TJP2: variants seen among roughly 807,000 people sequenced by gnomAD.
TJP2 encodes Friedreich ataxia region gene X104 (tight junction protein ZO-2).
In TJP2, 91 loss-of-function variants were observed where a neutral mutation model predicts 133.1. That is an observed-to-expected ratio of 0.68 (90% confidence interval 0.58 to 0.81). The LOEUF (loss-of-function observed/expected upper bound fraction) is 0.81. TJP2 is among the 40% of genes least tolerant of loss of function. The pLI is 0.00. For missense variants in TJP2, 1,541 were observed against 1,565.6 expected, an observed-to-expected ratio of 0.98 and a Z score of 0.26; for synonymous variants, 592 against 583.4, an observed-to-expected ratio of 1.01 and a Z score of -0.21.
chr9:69,238,855 T>C, intron 16 of TJP2, 66 bp downstream of exon 16: 1 of 1,298,040 alleles, frequency 7.7e-7, no homozygotes, highest in East Asian at 2.4e-5. Context: ...TGCAGTCACT[T>C]TTAGGATAGT....
intron 2 of TJP2, among the ~76,000 whole-genome samples, chr9:69,153,113 G>A (rs1248380081): frequency 6.6e-6 from 1 of 151,744 alleles, no homozygotes; most frequent in Non-Finnish European, 1.5e-5. Context: ...TGCTCCTGTA[G>A]TCCTAGCTAC....
intron 4 of TJP2, among the ~76,000 whole-genome samples, chr9:69,220,592 T>C (rs1828744586): frequency 1.3e-5 from 2 of 152,236 alleles, no homozygotes; most frequent in Admixed American, 1.3e-4. Context: ...TTTTTGAGTT[T>C]TATAACTTAG....
chr9:69,207,057 A>G (rs1486394790), intron 1 of TJP2, among the ~76,000 whole-genome samples: 1 of 152,164 alleles, frequency 6.6e-6, no homozygotes. Flanking sequence ...CCTCCTGCCC[A>G]GGTCACCTCA....
chr9:69,139,809 G>C (rs1822932973), intron 1 of TJP2, among the ~76,000 whole-genome samples: 1 of 152,130 alleles, frequency 6.6e-6, no homozygotes, highest in Non-Finnish European at 1.5e-5. Context: ...GTGTCTTCTA[G>C]GTTTACCAAG....
At chr9:69,135,680 A>G (rs1475168080) in intron 1 of TJP2, among the ~76,000 whole-genome samples, 1 of 151,510 alleles carries the variant, frequency 6.6e-6, no homozygotes, top group African/African-American at 2.4e-5. Context: ...ATCTCGGCTC[A>G]CTGCAACCTC....
chr9:69,193,061 G>T (rs1048416103), intron 1 of TJP2, among the ~76,000 whole-genome samples: 2 of 151,574 alleles, frequency 1.3e-5, no homozygotes, highest in Non-Finnish European at 2.9e-5. Context: ...CACTACAGGC[G>T]TGCGCCACCA....
At chr9:69,218,793 T>C (rs1162314240) in intron 4 of TJP2, among the ~76,000 whole-genome samples, 7 of 152,226 alleles carry the variant, frequency 4.6e-5, no homozygotes, top group Non-Finnish European at 8.8e-5. Context: ...ATTCATTCAC[T>C]GGCTGAGAAT....
At chr9:69,207,930 C>T (rs1374336910) in intron 1 of TJP2, among the ~76,000 whole-genome samples, 1 of 152,188 alleles carries the variant, frequency 6.6e-6, no homozygotes, top group Non-Finnish European at 1.5e-5. Context: ...AGGAAAGACA[C>T]TCAGTAGTTT....
chr9:69,236,513 T>C (rs1413971928), intron 13 of TJP2, among the ~76,000 whole-genome samples: 2 of 152,108 alleles, frequency 1.3e-5, no homozygotes, highest in African/African-American at 2.4e-5. Flanking sequence ...ACAAGAGATA[T>C]ACTGAATGGC....
chr9:69,132,659 C>A (rs1472243441), intron 1 of TJP2, among the ~76,000 whole-genome samples: 1 of 152,206 alleles, frequency 6.6e-6, no homozygotes. Context: ...CCCTTTGAGG[C>A]ACTGTGGCAA....
At chr9:69,174,005 C>T (rs13301319), upstream of TJP2, 1 of 985,168 alleles carries the variant, frequency 1.0e-6, no homozygotes, top group Non-Finnish European at 1.2e-6. Flanking sequence ...GGGCCTTGGG[C>T]TTCTCCTGCC....
At chr9:69,184,616 C>T (rs560658746) in intron 1 of TJP2, among the ~76,000 whole-genome samples, 1 of 152,306 alleles carries the variant, frequency 6.6e-6, no homozygotes, top group African/African-American at 2.4e-5. Context: ...TCAGTGCCAG[C>T]AAAGAAGAAA....
chr9:69,152,211 G>A (rs1823507498), intron 2 of TJP2, among the ~76,000 whole-genome samples: 1 of 152,178 alleles, frequency 6.6e-6, no homozygotes, highest in Non-Finnish European at 1.5e-5. Context: ...CAGTCACACT[G>A]GCTTCTAAAG....
In TJP2 at chr9:69,254,443, G is replaced by C. The variant is rs777062405; in HGVS notation, c.*69G>C. 1.1e-5 allele frequency: 17 copies of C among 1,597,750 alleles called. No homozygotes were observed. The highest frequency in any genetic ancestry group is 1.5e-5 in the Non-Finnish European group (17 of 1,169,044). Reference sequence around the variant, plus strand: ...GACTAGCCACTCCTGCCAGGCCGCCGGGATGGTTCTTCTCCAGTTAGAATG... The same window carrying C: ...GACTAGCCACTCCTGCCAGGCCGCCCGGATGGTTCTTCTCCAGTTAGAATG... On this transcript the variant is annotated 3_prime_UTR_variant, in exon 23 of 23. Transcript: ENST00000377245.
intron 5 of TJP2, among the ~76,000 whole-genome samples, chr9:69,221,812 A>T (rs1828888913): frequency 6.7e-6 from 1 of 149,558 alleles, no homozygotes; most frequent in Non-Finnish European, 1.5e-5. Context: ...TGAATCTCTC[A>T]CAGTGCTGGG....
intron 21 of TJP2, among the ~76,000 whole-genome samples, chr9:69,252,206 G>C (rs1433113898): frequency 6.6e-6 from 1 of 152,016 alleles, no homozygotes; most frequent in Non-Finnish European, 1.5e-5. Flanking sequence ...ATGTTGCTAG[G>C]CTGGTCTCGA....
At chr9:69,223,573 C>T (rs1425293910) in intron 5 of TJP2, among the ~76,000 whole-genome samples, 1 of 152,220 alleles carries the variant, frequency 6.6e-6, no homozygotes, top group Non-Finnish European at 1.5e-5. Flanking sequence ...TCCCGAAGTG[C>T]TGGGATTACA....
intron 1 of TJP2, among the ~76,000 whole-genome samples, chr9:69,208,916 T>C (rs60996078): frequency 6.6e-6 from 1 of 152,124 alleles, no homozygotes; most frequent in Admixed American, 6.5e-5. Flanking sequence ...TAATTCACTT[T>C]GTTGAAATTT....
intron 12 of TJP2, 135 bp from the exon 13 acceptor site, chr9:69,235,893 G>C: frequency 1.3e-6 from 1 of 775,012 alleles, no homozygotes. Context: ...TGTTGGAGCT[G>C]TGACTCCCAT....
Sources: allele counts gnomAD v4.1 joint callset (sites outside exome capture counted in the v4.1 genomes callset), GRCh38; gene constraint gnomAD v4.1.1; transcripts MANE v1.5; gene names NCBI Gene and HGNC (gene_info 2026-07-23, HGNC 2026-07-21).